Variants in DBN1 observed in about 807,000 individuals in gnomAD.
DBN1 encodes drebrin 1, also known as drebrin.
Under a neutral mutation model 83.5 loss-of-function variants are expected in DBN1, and 21 were observed. The ratio of observed to expected loss-of-function variants is 0.25; its 90% CI spans 0.18 to 0.36. The LOEUF is 0.36. Ranked by LOEUF, DBN1 falls within the 10% of genes least tolerant of loss-of-function variation. The pLI is 1.00. For synonymous variants in DBN1, 381 were observed against 384.9 expected, an observed-to-expected ratio of 0.99 and a Z score of 0.12; for missense variants, 874 against 935.7, an observed-to-expected ratio of 0.93 and a Z score of 0.86.
At chr5:177,463,599 G>A (rs1006401698) in intron 8 of DBN1, among the ~76,000 whole-genome samples, 4 of 152,190 alleles carry the variant, frequency 2.6e-5, no homozygotes, top group African/African-American at 4.8e-5. Context: ...AAAGTCTCTC[G>A]CATATTCCCT....
At position 177,466,576 on chromosome 5, in the gene DBN1, T is replaced by C. The variant is rs907688248; in HGVS notation, c.771+196A>G. On this transcript the variant is annotated intron_variant, in intron 8 of 14. Coordinates refer to ENST00000393565, the MANE Select transcript of DBN1 (RefSeq NM_001363541.2). The surrounding 1 kb of genome is among the most constrained non-coding windows in gnomAD (Gnocchi z 4.8). Reference sequence around the variant, plus strand: ...GAGCACAAGCTTCTCCAAAGTAGTCTTTTTCCACGGCCAGAGGCCAGAGCC... The same window carrying C: ...GAGCACAAGCTTCTCCAAAGTAGTCCTTTTCCACGGCCAGAGGCCAGAGCC... 6.6e-6 allele frequency among the ~76,000 whole-genome samples: 1 copy of C among 152,184 alleles called. No homozygotes were observed. Among genetic ancestry groups the C allele is most frequent in the Non-Finnish European group, 1.5e-5 (1 of 68,030 alleles).
chr5:177,472,612 G>A (rs759478258), intron 1 of DBN1, among the ~76,000 whole-genome samples: 20 of 152,232 alleles, frequency 1.3e-4, no homozygotes, highest in Non-Finnish European at 2.8e-4. Flanking sequence ...CTGGGGGCCG[G>A]TGGATCTGTT....
At chr5:177,464,558 G>A (rs1757277052) in intron 8 of DBN1, among the ~76,000 whole-genome samples, 1 of 151,676 alleles carries the variant, frequency 6.6e-6, no homozygotes, top group Non-Finnish European at 1.5e-5. Context: ...AAGAGATCGA[G>A]ACCATCCTGG....
intron 10 of DBN1, among the ~76,000 whole-genome samples, 156 bp downstream of exon 10, chr5:177,460,276 C>A (rs1756920782): frequency 6.6e-6 from 1 of 152,240 alleles, no homozygotes. Flanking sequence ...TGGGGTCCTG[C>A]CACCTGGGAA....
chr5:177,470,122 C>T (rs559103745), intron 1 of DBN1, among the ~76,000 whole-genome samples: 13 of 152,184 alleles, frequency 8.5e-5, no homozygotes, highest in Admixed American at 6.5e-5. Flanking sequence ...CCTGGATTCC[C>T]GGCTTCCTAC....
Position 177,467,815 on chromosome 5 carries a change from C to T in DBN1, c.258G>A (p.Val86=). 1 of 1,563,500 alleles carries T rather than the reference C, an allele frequency of 6.4e-7. No homozygotes were observed. Residue 86 remains valine, a splice_region_variant and synonymous_variant, in exon 4 of 15, where the codon GTG becomes GTA. Coordinates refer to ENST00000393565, the MANE Select transcript of DBN1 (RefSeq NM_001363541.2). This position sits in a 1 kb window ranked among gnomAD's most constrained non-coding sequence, Gnocchi z 9.1. ...TGCGGGCATCAGGCACATCTTCGCC[C>T]ACCTGCAAAGTACCCAGCAAAGAGG... The part of the protein sequence containing the change: ...ALPKYVLINW[V]GEDVPDARKC...
intron 1 of DBN1, chr5:177,472,219 C>G (rs547174662): frequency 6.2e-7 from 1 of 1,613,788 alleles, no homozygotes; most frequent in Admixed American, 1.7e-5. Context: ...ATCTCATCCT[C>G]TCCTCCAGAA....
Position 177,457,432 on chromosome 5 carries a change from G to A in DBN1, c.*1C>T, listed in dbSNP as rs368470978. 1.3e-5 allele frequency: 21 copies of A among 1,613,468 alleles called. No homozygotes were observed. In the African/African-American group the frequency reaches 2.0e-4, roughly 15 times the overall value. ...AGGGTAGCCTAGGGCTGGCGCCACC[G>A]CTAATCACCACCCTCGAAGCCCTCC... On this transcript the variant is annotated 3_prime_UTR_variant, in exon 15 of 15. Coordinates refer to ENST00000393565, the MANE Select transcript of DBN1 (RefSeq NM_001363541.2).
At chr5:177,468,464 C>A in intron 2 of DBN1, 1 of 566,772 alleles carries the variant, frequency 1.8e-6, no homozygotes. Flanking sequence ...AGTGTTTGTT[C>A]TTCACACTCA....
At chr5:177,472,336 G>A in intron 1 of DBN1, 1 of 1,513,422 alleles carries the variant, frequency 6.6e-7, no homozygotes, top group Non-Finnish European at 8.8e-7. Flanking sequence ...GTTTCCTCAA[G>A]AAGAACCTGT....
chr5:177,466,677 T>A lies in DBN1; in HGVS notation c.771+95A>T. 1 of 1,417,760 alleles carries A rather than the reference T, an allele frequency of 7.1e-7. No individual in the cohort carries two copies. The highest frequency in any genetic ancestry group is 1.1e-5 in the South Asian group (1 of 87,062). The allele number at this position is 1,417,760 out of a possible 1,614,324, so 87.8% of individuals were successfully genotyped here. On this transcript the variant is annotated intron_variant, in intron 8 of 14. Transcript: ENST00000393565. The surrounding 1 kb of genome is among the most constrained non-coding windows in gnomAD (Gnocchi z 4.8). ...CAGCTCCCCAGAACAGCCACCACTG[T>A]CCCTGAGCCACTGATCTCCCCACAA...
At position 177,467,177 on chromosome 5, in the gene DBN1, A is replaced by C; in HGVS notation, c.555+78T>G. On this transcript the variant is annotated intron_variant, in intron 6 of 14. Coordinates refer to ENST00000393565, the MANE Select transcript of DBN1 (RefSeq NM_001363541.2). The surrounding 1 kb of genome is among the most constrained non-coding windows in gnomAD (Gnocchi z 9.1). ...CGGGGCACGTGGCATGGGCCATGCC[A>C]CTGCAGTGAGGGACTCAGACCTGCC... is the stretch of plus-strand genomic sequence containing the variant. The C allele has an allele frequency of 6.2e-7, 1 of 1,604,762 alleles. No homozygotes were observed. The highest frequency in any genetic ancestry group is 8.5e-7 in the Non-Finnish European group (1 of 1,172,190).
At chr5:177,470,374 C>T (rs997616086) in intron 1 of DBN1, among the ~76,000 whole-genome samples, 1 of 152,174 alleles carries the variant, frequency 6.6e-6, no homozygotes, top group East Asian at 1.9e-4. Context: ...CTGTAGACAT[C>T]AAGCCTCCCT....
rs369744646 is a variant in DBN1 at position 177,466,863 on chromosome 5, C to T, written c.708-28G>A. 5.9e-5 allele frequency: 96 copies of T among 1,613,818 alleles called. No individual in the cohort carries two copies. Among genetic ancestry groups the T allele is most frequent in the Non-Finnish European group, 7.8e-5 (92 of 1,179,920 alleles). On this transcript the variant is annotated intron_variant, in intron 7 of 14. Coordinates refer to ENST00000393565, the MANE Select transcript of DBN1 (RefSeq NM_001363541.2). The surrounding 1 kb of genome is among the most constrained non-coding windows in gnomAD (Gnocchi z 4.8). ...GGAACGATAAGCAGCCAGCACCCGT[C>T]AGGGTGCGCCCGGGGGCCCCTGGAG...
Position 177,468,213 on chromosome 5 carries a change from G to GC in DBN1, c.149dup (p.Gln52AlafsTer8). 6.2e-7 allele frequency: 1 copy of GC among 1,613,870 alleles called. No homozygotes were observed. The highest frequency in any genetic ancestry group is 8.5e-7 in the Non-Finnish European group (1 of 1,179,778). On this transcript the variant is annotated frameshift_variant, in exon 3 of 15. Coordinates refer to ENST00000393565, the MANE Select transcript of DBN1 (RefSeq NM_001363541.2). LOFTEE classifies it high-confidence loss of function. Reference sequence around the variant, plus strand: ...CAAAGTGTCCCGAAAGCTCCTGCAAGCCCCCTTCTAGGGTAATCAGGAGAG... The same window carrying GC: ...CAAAGTGTCCCGAAAGCTCCTGCAAGCCCCCCTTCTAGGGTAATCAGGAGAG...
chr5:177,460,514 C>T lies in DBN1; in HGVS notation c.873G>A (p.Arg291=), dbSNP rs1756946242. Reference sequence around the variant, plus strand: ...CTCTTTCCTGCTGCTTGAAGAACTCCCTTGGGTTGTCAGGCCGCTGGGCAA... The same window carrying T: ...CTCTTTCCTGCTGCTTGAAGAACTCTCTTGGGTTGTCAGGCCGCTGGGCAA... ...AIIAQRPDNP[R]EFFKQQERVA... The change falls in exon 10 of 15, where the codon AGG becomes AGA. Residue 291 remains arginine (R), a synonymous_variant. Transcript: ENST00000393565. 1 of 1,614,184 alleles carries T rather than the reference C, an allele frequency of 6.2e-7. No individual in the cohort carries two copies. Among genetic ancestry groups the T allele is most frequent in the African/African-American group, 1.3e-5 (1 of 75,036 alleles).
At chr5:177,469,968 G>A (rs966257530) in intron 1 of DBN1, among the ~76,000 whole-genome samples, 1 of 152,244 alleles carries the variant, frequency 6.6e-6, no homozygotes, top group Non-Finnish European at 1.5e-5. Context: ...AGAAAGAGGA[G>A]GGGAGAAGCA....
In DBN1 at chr5:177,457,015, A is replaced by G. The variant is rs1019416308; in HGVS notation, c.*418T>C. The G allele has an allele frequency of 1.5e-5, 3 of 200,390 alleles. No homozygotes were observed. Among genetic ancestry groups the G allele is most frequent in the African/African-American group, 2.4e-5 (1 of 42,506 alleles). 12.4% of individuals were successfully genotyped at this position (200,390 alleles called of 1,614,324 possible). On this transcript the variant is annotated 3_prime_UTR_variant, in exon 15 of 15. Coordinates refer to ENST00000393565, the MANE Select transcript of DBN1 (RefSeq NM_001363541.2). ...AGCCCTGGACAGAGAATACAAAGTG[A>G]TATTTTCCCAAGAAACATAAAACTA...
intron 11 of DBN1, 105 bp downstream of exon 11, chr5:177,459,497 GC>G (rs1339356899): frequency 7.4e-7 from 1 of 1,355,158 alleles, no homozygotes; most frequent in Non-Finnish European, 9.7e-7. Flanking sequence ...TGCCCTGGGG[GC>G]AAACACCAGA....
Sources: allele counts gnomAD v4.1 joint callset (sites outside exome capture counted in the v4.1 genomes callset), GRCh38; gene constraint gnomAD v4.1.1; non-coding constraint Gnocchi (gnomAD v3.1); transcripts MANE v1.5; gene names NCBI Gene and HGNC (gene_info 2026-07-23, HGNC 2026-07-21).